Variants in POLR2F observed in about 807,000 individuals in gnomAD.
The protein encoded by POLR2F is DNA-directed RNA polymerases I, II, and III subunit RPABC2.
Under a neutral mutation model 22.7 loss-of-function variants are expected in POLR2F, and 12 were observed. That is an observed-to-expected ratio of 0.53 (90% CI 0.34 to 0.86). The LOEUF is 0.86. POLR2F is among the 40% of genes least tolerant of loss of function. The pLI is 0.02. For synonymous variants in POLR2F, 57 were observed against 66.0 expected (o/e 0.86, Z 0.66); for missense variants, 126 against 171.5 (o/e 0.73, Z 1.48).
At chr22:37,981,197 T>C (rs1421764027), upstream of POLR2F, among the ~76,000 whole-genome samples, 2 of 152,220 alleles carry the variant, frequency 1.3e-5, no homozygotes, top group Admixed American at 1.3e-4. Flanking sequence ...CAGCTCTGCC[T>C]ACCTAACCAC....
chr22:37,979,655 C>A (rs1007387038), intron 4 of POLR2F, among the ~76,000 whole-genome samples: 1 of 152,118 alleles, frequency 6.6e-6, no homozygotes, highest in Non-Finnish European at 1.5e-5. Flanking sequence ...GAAACCAACA[C>A]ATGGAGAGAA....
At chr22:37,976,305 C>T (rs991341492) in intron 4 of POLR2F, among the ~76,000 whole-genome samples, 1 of 152,214 alleles carries the variant, frequency 6.6e-6, no homozygotes, top group Non-Finnish European at 1.5e-5. Context: ...AGGTGATCCT[C>T]CCACCTCAGC....
chr22:37,956,785 C>T lies in POLR2F; in HGVS notation c.33C>T (p.Asp11=), dbSNP rs747162109. 5.6e-6 allele frequency: 9 copies of T among 1,613,590 alleles called. No homozygotes were observed. Among genetic ancestry groups the T allele is most frequent in the Non-Finnish European group, 7.6e-6 (9 of 1,179,672 alleles). Reference sequence around the variant, plus strand: ...TCTTCCTGTACAGTTTTGATGGCGACGACTTTGATGATGTGGAGGAGGATG... The same window carrying T: ...TCTTCCTGTACAGTTTTGATGGCGATGACTTTGATGATGTGGAGGAGGATG... The part of the protein sequence containing the change: MSDNEDNFDG[D]DFDDVEEDEG... The change falls in exon 2 of 5, where the codon GAC becomes GAT. Residue 11 remains aspartate (D), a synonymous_variant. Transcript: ENST00000442738.
intron 1 of POLR2F, among the ~76,000 whole-genome samples, chr22:37,995,852 C>A (rs903002468): frequency 1.3e-5 from 2 of 149,242 alleles, no homozygotes; most frequent in Admixed American, 1.3e-4. Context: ...AAAAAAAAAT[C>A]AGCTGGGTGT....
At chr22:37,999,557 G>A (rs907533344) in intron 1 of POLR2F, among the ~76,000 whole-genome samples, 4 of 152,044 alleles carry the variant, frequency 2.6e-5, no homozygotes, top group Non-Finnish European at 5.9e-5. Flanking sequence ...ATCCTCCCAG[G>A]TCATCTGCAC....
intron 5 of POLR2F, chr22:38,041,063 T>C: frequency 6.2e-7 from 1 of 1,612,908 alleles, no homozygotes; most frequent in Non-Finnish European, 8.5e-7. Context: ...TGTGTTATTT[T>C]CCAGGAGGCG....
intron 1 of POLR2F, among the ~76,000 whole-genome samples, chr22:38,013,695 C>A (rs2145812407): frequency 6.6e-6 from 1 of 152,316 alleles, no homozygotes; most frequent in Middle Eastern, 3.4e-3. Context: ...TCTCCACATT[C>A]TTCTGTTTCA....
At chr22:37,983,822 T>A, upstream of POLR2F, 1 of 1,381,744 alleles carries the variant, frequency 7.2e-7, no homozygotes, top group Non-Finnish European at 9.4e-7. The surrounding 1 kb of genome is among the most constrained non-coding windows in gnomAD (Gnocchi z 9.5). Flanking sequence ...CTCGGCCGCC[T>A]CCCCCGGGCC....
At chr22:38,034,780 G>C (rs1555947906) in intron 5 of POLR2F, among the ~76,000 whole-genome samples, 4 of 152,220 alleles carry the variant, frequency 2.6e-5, no homozygotes, top group Non-Finnish European at 5.9e-5. Flanking sequence ...AGCCAGCAGA[G>C]ACACAGAGCG....
chr22:38,022,182 T>C (rs577985517), intron 1 of POLR2F, among the ~76,000 whole-genome samples: 2 of 151,156 alleles, frequency 1.3e-5, no homozygotes, highest in Non-Finnish European at 2.9e-5. Flanking sequence ...ATGAATCAGA[T>C]GCATTTGAGT....
At chr22:38,020,980 T>C (rs1403253583) in intron 1 of POLR2F, among the ~76,000 whole-genome samples, 1 of 152,184 alleles carries the variant, frequency 6.6e-6, no homozygotes, top group Non-Finnish European at 1.5e-5. Context: ...GGTGTGAGGC[T>C]CTTTTGCGGT....
upstream of POLR2F, among the ~76,000 whole-genome samples, chr22:37,982,815 A>G (rs867589429): frequency 1.3e-5 from 2 of 152,140 alleles, no homozygotes; most frequent in Admixed American, 1.3e-4. Context: ...GAGCCCTAGG[A>G]TAGGATGAGG....
At chr22:37,999,078 G>A (rs2084745353) in intron 1 of POLR2F, among the ~76,000 whole-genome samples, 1 of 151,928 alleles carries the variant, frequency 6.6e-6, no homozygotes, top group Non-Finnish European at 1.5e-5. Flanking sequence ...CCAGACGGCC[G>A]TACCCTCTAC....
At chr22:38,026,432 C>G in exon 3 of POLR2F, 1 of 434,028 alleles carries the variant, frequency 2.3e-6, no homozygotes, top group South Asian at 1.7e-5. Flanking sequence ...GTTTCCCCCT[C>G]TATAACACCA....
chr22:38,023,020 C>G (rs1231776469), intron 1 of POLR2F, among the ~76,000 whole-genome samples: 1 of 152,142 alleles, frequency 6.6e-6, no homozygotes, highest in African/African-American at 2.4e-5. Context: ...TCTGAAGAAA[C>G]AAACAGACAA....
At position 38,040,846 on chromosome 22, in the gene POLR2F, G is replaced by T. The variant is rs73419807; in HGVS notation, c.453-222G>T. The T allele has an allele frequency of 6.4e-5, 41 of 637,308 alleles. No individual in the cohort carries two copies. The African/African-American group carries it at 6.9e-4, about 11-fold the overall frequency. The allele number at this position is 637,308 out of a possible 1,614,324, so 39.5% of individuals were successfully genotyped here. On this transcript the variant is annotated intron_variant, in intron 5 of 5. Transcript: ENST00000407936. Reference sequence around the variant, plus strand: ...GCTTGCTGTCCTGCACACGGTCAGCGCTCTGTAATGGCAGCTTTTATAAAA... The same window carrying T: ...GCTTGCTGTCCTGCACACGGTCAGCTCTCTGTAATGGCAGCTTTTATAAAA...
Position 37,986,661 on chromosome 22 carries a change from G to C in POLR2F, c.120+349G>C, listed in dbSNP as rs1932590303. On this transcript the variant is annotated intron_variant, in intron 1 of 2. Coordinates refer to the POLR2F transcript ENST00000333418. This position sits in a 1 kb window ranked among gnomAD's most constrained non-coding sequence, Gnocchi z 4.7. Reference sequence around the variant, plus strand: ...CTGCCTTCCTCTCAGGGCTGTGCTGGGCTTTTTGCTGAGCAGTGTTGGGTG... The same window carrying C: ...CTGCCTTCCTCTCAGGGCTGTGCTGCGCTTTTTGCTGAGCAGTGTTGGGTG... 1.7e-6 allele frequency: 1 copy of C among 591,058 alleles called. No homozygotes were observed. Among genetic ancestry groups the C allele is most frequent in the Admixed American group, 2.2e-5 (1 of 46,330 alleles). The allele number at this position is 591,058 out of a possible 1,614,324, so 36.6% of individuals were successfully genotyped here.
intron 5 of POLR2F, among the ~76,000 whole-genome samples, chr22:38,037,029 GT>G (rs1245586500): frequency 6.6e-6 from 1 of 152,084 alleles, no homozygotes; most frequent in Non-Finnish European, 1.5e-5. Flanking sequence ...ACCCTGCTTT[GT>G]TTTTTATTCT....
intron 5 of POLR2F, among the ~76,000 whole-genome samples, chr22:38,039,068 C>T (rs991855397): frequency 1.3e-5 from 2 of 152,230 alleles, no homozygotes; most frequent in African/African-American, 4.8e-5. Flanking sequence ...GGCAGCCCTC[C>T]GCCATTTCCC....
Sources: gnomAD v4.1 joint callset for allele counts (sites outside exome capture counted in the v4.1 genomes callset) on GRCh38, gnomAD v4.1.1 for gene constraint, Gnocchi (gnomAD v3.1) non-coding constraint, MANE v1.5 for transcripts, NCBI Gene and HGNC (gene_info 2026-07-23, HGNC 2026-07-21) for gene names.